Variants in SPTBN5 observed in about 807,000 individuals in gnomAD.
The protein encoded by SPTBN5 is spectrin beta chain, non-erythrocytic 5.
A neutral mutation model predicts 477.6 loss-of-function variants in SPTBN5; 513 were observed. The ratio of observed to expected loss-of-function variants is 1.07; its 90% confidence interval spans 1.00 to 1.16. SPTBN5 has a LOEUF of 1.16. Among genes scored for constraint, SPTBN5 ranks in the 50% most tolerant of loss-of-function variants. The pLI, the probability that SPTBN5 is intolerant of heterozygous loss-of-function variation, is 0.00. For missense variants in SPTBN5, 5,062 were observed against 4,731.8 expected, an observed-to-expected ratio of 1.07 and a Z score of -2.05; for synonymous variants, 2,169 against 2,011.7, an observed-to-expected ratio of 1.08 and a Z score of -2.09.
intron 47 of SPTBN5, 69 bp from the exon 48 acceptor site, chr15:41,859,049 G>A: frequency 1.6e-6 from 2 of 1,240,648 alleles, no homozygotes; most frequent in Non-Finnish European, 2.2e-6. Context: ...GTCCAGCCTA[G>A]GCTTTCTCGG....
Position 41,858,645 on chromosome 15 carries a change from G to A in SPTBN5, c.8183C>T (p.Ala2728Val), listed in dbSNP as rs776116445. ...TTGGTGCATGCTCGCGTCCAGCTCC[G>A]CCTGGAAATTCTGCTGCTTCTGTAA... Reference protein sequence around the residue: ...AQLQKQQNFQAELDASMHQQQ... With the variant: ...AQLQKQQNFQVELDASMHQQQ... Residue 2728 changes from alanine (A) to valine (V), a missense_variant, in exon 49 of 68, where the codon GCG becomes GTG. Coordinates refer to ENST00000320955, the MANE Select transcript of SPTBN5 (RefSeq NM_016642.4). The A allele has an allele frequency of 5.6e-6, 9 of 1,611,370 alleles. No individual in the cohort carries two copies. Among genetic ancestry groups the A allele is most frequent in the African/African-American group, 1.3e-5 (1 of 74,912 alleles).
rs758389662 is a variant in SPTBN5, at chr15:41,869,990, C to G, written c.5704G>C (p.Val1902Leu). ...LQELLETAGRVQKLCPGPQAH... is the reference protein window; with the variant it reads ...LQELLETAGRLQKLCPGPQAH... ...TGAGGCCCCGGACACAGCTTCTGCA[C>G]CCTGCCTGCAGTCTCCAGCAGTTCC... Residue 1902 changes from valine (V) to leucine (L), a missense_variant, in exon 32 of 68, where the codon GTG (valine) becomes CTG (leucine). By Grantham distance (32) the Val-to-Leu change is conservative. Transcript: ENST00000320955. 5.9e-6 allele frequency: 9 copies of G among 1,523,220 alleles called. No individual in the cohort carries two copies. Among genetic ancestry groups the G allele is most frequent in the Non-Finnish European group, 7.9e-6 (9 of 1,133,886 alleles). 94.4% of individuals were successfully genotyped at this position (1,523,220 alleles called of 1,614,324 possible).
intron 67 of SPTBN5, 132 bp downstream of exon 67, chr15:41,849,737 G>A (rs2065686994): frequency 1.4e-6 from 1 of 700,264 alleles, no homozygotes; most frequent in Non-Finnish European, 2.4e-6. Context: ...GCAGCTGAGG[G>A]TTCCAATAGC....
chr15:41,871,562 T>G (rs1043605403), intron 28 of SPTBN5, 42 bp from the exon 29 acceptor site: 2 of 1,423,646 alleles, frequency 1.4e-6, no homozygotes, highest in Admixed American at 3.0e-5. Flanking sequence ...CCCCAGCTGG[T>G]TAGGCGTCAA....
In SPTBN5 at chr15:41,874,967, T is replaced by C. The variant is rs111958620; in HGVS notation, c.4377A>G (p.Lys1459=). The C allele has an allele frequency of 5.1e-3, 8,193 of 1,613,690 alleles. 42 individuals are homozygous for C. Among genetic ancestry groups the C allele is most frequent in the Middle Eastern group, 0.016 (98 of 6,060 alleles). The change falls in exon 23 of 68, where the codon AAA becomes AAG. Residue 1459 remains lysine, a synonymous_variant. Coordinates refer to ENST00000320955, the MANE Select transcript of SPTBN5 (RefSeq NM_016642.4). ...QDLRSSQRLQ[K]RHQQLESESR... ...TCTCACTCTCCAGCTGTTGGTGCCG[T>C]TTCTGCAGCCTCTGGCTGGAGCGCA...
At chr15:41,866,718 G>T (rs1340091344) in intron 36 of SPTBN5, among the ~76,000 whole-genome samples, 5 of 152,304 alleles carry the variant, frequency 3.3e-5, no homozygotes, top group Non-Finnish European at 5.9e-5. Flanking sequence ...TACTCCTGGG[G>T]CCCTGGGCTG....
At chr15:41,860,042 G>C (rs962214544) in intron 47 of SPTBN5, among the ~76,000 whole-genome samples, 1 of 152,214 alleles carries the variant, frequency 6.6e-6, no homozygotes, top group African/African-American at 2.4e-5. Context: ...GCAGAGCTGG[G>C]GTCTCATGGG....
intron 26 of SPTBN5, among the ~76,000 whole-genome samples, chr15:41,873,008 G>T (rs936251341): frequency 1.3e-5 from 2 of 152,204 alleles, no homozygotes. Flanking sequence ...GTGGTTCTGG[G>T]AGTCCGAATT....
At position 41,856,323 on chromosome 15, in the gene SPTBN5, C is replaced by T. The variant is rs1038685849; in HGVS notation, c.9021+63G>A. The T allele has an allele frequency of 5.6e-6, 8 of 1,424,670 alleles. No homozygotes were observed. In the Admixed American group the frequency reaches 1.6e-4, roughly 28 times the overall value. 88.3% of individuals were successfully genotyped at this position (1,424,670 alleles called of 1,614,324 possible). A position where few individuals can be genotyped will look rare whatever the true frequency, so the allele number is the denominator to read the frequency against. On this transcript the variant is annotated intron_variant, in intron 53 of 67. Transcript: ENST00000320955. ...CAGGCCAGGAGCCCCGGAGTGACCTCCCAGCCGCACTCGCCCTGTGTTCCA... is the reference window on the plus strand; with the variant it reads ...CAGGCCAGGAGCCCCGGAGTGACCTTCCAGCCGCACTCGCCCTGTGTTCCA...
At position 41,854,822 on chromosome 15, in the gene SPTBN5, G is replaced by T. The variant is rs747957391; in HGVS notation, c.9578C>A (p.Ala3193Asp). 15 of 1,584,270 alleles carry T rather than the reference G, an allele frequency of 9.5e-6. No homozygotes were observed. The highest frequency in any genetic ancestry group is 1.2e-5 in the Non-Finnish European group (14 of 1,166,518). Residue 3193 changes from alanine (A) to aspartate (D), a missense_variant, in exon 56 of 68, where the codon GCT (alanine) becomes GAT (aspartate). Coordinates refer to ENST00000320955, the MANE Select transcript of SPTBN5 (RefSeq NM_016642.4). Reference protein sequence around the residue: ...IQAQRSRIEAAWERLDQAIKA... With the variant: ...IQAQRSRIEADWERLDQAIKA... ...TATTGCTTGGTCCAACCTCTCCCAA[G>T]CAGCCTCAATGCGGCTCCTCTGGGC...
At chr15:41,862,731 TG>T in intron 42 of SPTBN5, 58 bp downstream of exon 42, 1 of 1,542,968 alleles carries the variant, frequency 6.5e-7, no homozygotes, top group African/African-American at 1.4e-5. Context: ...CCTCCCCACT[TG>T]TGCCCAGGGT....
rs750287388 is a variant in SPTBN5, at chr15:41,855,311, T to C, written c.9336A>G (p.Arg3112=). 6 of 1,610,496 alleles carry C rather than the reference T, an allele frequency of 3.7e-6. No individual in the cohort carries two copies. The highest frequency in any genetic ancestry group is 2.5e-6 in the Non-Finnish European group (3 of 1,179,784). The part of the protein sequence containing the change: ...QEQLQLHQLE[R]ETLLLDAWLT... ...GCCAGGCGTCGAGGAGCAGGGTCTCTCGCTCCAGCTGGTGTAGCTGCAGCT... is the reference window on the plus strand; with the variant it reads ...GCCAGGCGTCGAGGAGCAGGGTCTCCCGCTCCAGCTGGTGTAGCTGCAGCT... The change falls in exon 55 of 68, where the codon CGA becomes CGG. Residue 3112 remains arginine (R), a synonymous_variant. Coordinates refer to ENST00000320955, the MANE Select transcript of SPTBN5 (RefSeq NM_016642.4).
intron 58 of SPTBN5, 26 bp downstream of exon 58, chr15:41,853,556 G>A: frequency 6.4e-7 from 1 of 1,554,584 alleles, no homozygotes; most frequent in South Asian, 1.2e-5. Flanking sequence ...GTAGAGCTGA[G>A]CCGGCAGCTG....
chr15:41,890,469 C>G (rs2067276378), intron 3 of SPTBN5, among the ~76,000 whole-genome samples: 1 of 152,226 alleles, frequency 6.6e-6, no homozygotes, highest in Non-Finnish European at 1.5e-5. Context: ...AGGAGGACTC[C>G]CTGTGTGTGG....
At position 41,861,440 on chromosome 15, in the gene SPTBN5, G is replaced by T; in HGVS notation, c.7794C>A (p.Ser2598=). 1 of 1,613,634 alleles carries T rather than the reference G, an allele frequency of 6.2e-7. No homozygotes were observed. Among genetic ancestry groups the T allele is most frequent in the Non-Finnish European group, 8.5e-7 (1 of 1,179,852 alleles). The change falls in exon 46 of 68, where the codon TCC becomes TCA. Residue 2598 remains serine (S), a synonymous_variant. Coordinates refer to ENST00000320955, the MANE Select transcript of SPTBN5 (RefSeq NM_016642.4). ...MERWLCSKED[S]LASEGLWDPL... ...CTACCCATAGACCCTCACTGGCTAG[G>T]GAGTCTTCCTTGCTGCAAAGCCAAC...
intron 66 of SPTBN5, 178 bp from the exon 67 acceptor site, chr15:41,850,137 C>T: frequency 1.7e-6 from 1 of 601,052 alleles, no homozygotes; most frequent in East Asian, 2.8e-5. Context: ...CAGGTTTTTC[C>T]CCCATGCGTC....
chr15:41,878,574 G>C lies in SPTBN5; in HGVS notation c.3238C>G (p.Leu1080Val). ...SQPLQGQVET[L>V]QGLLKQVQEQ... ...TGTACTTGCTTCAGCAGCCCCTGCAGTGTCTCCACCTGTCCTTGCAGAGGC... is the reference window on the plus strand; with the variant it reads ...TGTACTTGCTTCAGCAGCCCCTGCACTGTCTCCACCTGTCCTTGCAGAGGC... The change falls in exon 17 of 68, where the codon CTG (leucine) becomes GTG (valine). Residue 1080 changes from leucine to valine, a missense_variant. By Grantham distance (32) the Leu-to-Val change is conservative. Coordinates refer to ENST00000320955, the MANE Select transcript of SPTBN5 (RefSeq NM_016642.4). 6.2e-7 allele frequency: 1 copy of C among 1,612,864 alleles called. No homozygotes were observed. Among genetic ancestry groups the C allele is most frequent in the Non-Finnish European group, 8.5e-7 (1 of 1,179,772 alleles).
At position 41,852,638 on chromosome 15, in the gene SPTBN5, G is replaced by A. The variant is rs370115016; in HGVS notation, c.10445C>T (p.Thr3482Ile). Residue 3482 changes from threonine (T) to isoleucine (I), a missense_variant, in exon 61 of 68, where the codon ACA (threonine) becomes ATA (isoleucine). Transcript: ENST00000320955. The stretch of plus-strand genomic sequence containing the variant: ...CCTAGCCGAGGCAGTCGTCACCTCT[G>A]TCTTTTGCATTTGGGCAAACTTCTC... The part of the protein sequence containing the change: ...QEEKFAQMQK[T>I]EMEQELLLQP... 2.1e-5 allele frequency: 34 copies of A among 1,613,388 alleles called. No individual in the cohort carries two copies. Among genetic ancestry groups the A allele is most frequent in the Non-Finnish European group, 2.9e-5 (34 of 1,179,872 alleles).
Position 41,862,135 on chromosome 15 carries a change from A to C in SPTBN5, c.7543T>G (p.Cys2515Gly). 2 of 1,572,930 alleles carry C rather than the reference A, an allele frequency of 1.3e-6. No individual in the cohort carries two copies. The highest frequency in any genetic ancestry group is 1.2e-5 in the South Asian group (1 of 86,492). Reference sequence around the variant, plus strand: ...TGGGCCAGCTGCCCATTCACCTTGCACTCCTGATGCTCTTCTAACATACGC... The same window carrying C: ...TGGGCCAGCTGCCCATTCACCTTGCCCTCCTGATGCTCTTCTAACATACGC... Reference protein sequence around the residue: ...ARRMLEEHQECKAELDSWTDS... With the variant: ...ARRMLEEHQEGKAELDSWTDS... Residue 2515 changes from cysteine to glycine, a missense_variant, in exon 44 of 68, where the codon TGC becomes GGC. By Grantham distance (159) the Cys-to-Gly change is radical. Transcript: ENST00000320955.
Sources: gnomAD v4.1 joint callset for allele counts (sites outside exome capture counted in the v4.1 genomes callset) on GRCh38, gnomAD v4.1.1 for gene constraint, MANE v1.5 for transcripts, NCBI Gene and HGNC (gene_info 2026-07-23, HGNC 2026-07-21) for gene names.